The following CNTN5 variants were observed in gnomAD, a reference collection of about 807,000 sequenced individuals.
CNTN5 encodes the protein contactin 5.
A neutral mutation model predicts 129.1 loss-of-function variants in CNTN5; 77 were observed. The ratio of observed to expected loss-of-function variants is 0.60; its 90% confidence interval spans 0.50 to 0.72. CNTN5 has a LOEUF of 0.72. Among genes scored for constraint, CNTN5 ranks in the 30% least tolerant of loss-of-function variants. The probability of loss-of-function intolerance (pLI) is 0.00; values close to 1 mark genes in which losing one functional copy is unlikely to be tolerated. For synonymous variants in CNTN5, 509 were observed against 465.6 expected (o/e 1.09, Z -1.20); for missense variants, 1,478 against 1,328.8 (o/e 1.11, Z -1.75).
intron 6 of CNTN5, among the ~76,000 whole-genome samples, chr11:99,869,580 A>C (rs141735884): frequency 6.6e-6 from 1 of 152,114 alleles, no homozygotes; most frequent in Non-Finnish European, 1.5e-5. Context: ...AGTCACTTCT[A>C]CTTCCGCTGT....
At chr11:99,436,003 T>A (rs1470002140) in intron 2 of CNTN5, among the ~76,000 whole-genome samples, 1 of 152,162 alleles carries the variant, frequency 6.6e-6, no homozygotes, top group African/African-American at 2.4e-5. Flanking sequence ...TTTATCAAAT[T>A]TTCATAGACA....
intron 1 of CNTN5, among the ~76,000 whole-genome samples, chr11:99,300,179 C>A (rs531324240): frequency 6.6e-6 from 1 of 152,044 alleles, no homozygotes; most frequent in African/African-American, 2.4e-5. Flanking sequence ...GTGAAAATGG[C>A]GTCCTTGCCT....
At chr11:99,683,306 A>G (rs1018770934) in intron 3 of CNTN5, among the ~76,000 whole-genome samples, 4 of 151,796 alleles carry the variant, frequency 2.6e-5, no homozygotes, top group Non-Finnish European at 5.9e-5. Context: ...TCTCCACCTC[A>G]TATCATGTAT....
chr11:99,856,393 C>G (rs74510761), intron 6 of CNTN5, among the ~76,000 whole-genome samples: 5,815 of 152,250 alleles, frequency 0.038, 184 homozygotes, highest in East Asian at 0.15. Flanking sequence ...TCTTTCACAA[C>G]TTTCTTAGAA....
intron 7 of CNTN5, among the ~76,000 whole-genome samples, chr11:99,928,915 C>T (rs761090049): frequency 6.6e-6 from 1 of 152,168 alleles, no homozygotes; most frequent in East Asian, 1.9e-4. Flanking sequence ...AATGTAAGTT[C>T]CAACTCCAAA....
At chr11:100,345,595 T>C (rs1218693290) in intron 23 of CNTN5, among the ~76,000 whole-genome samples, 1 of 149,938 alleles carries the variant, frequency 6.7e-6, no homozygotes, top group Non-Finnish European at 1.5e-5. Flanking sequence ...AAAAAGAGGT[T>C]TCCCTATCAC....
At chr11:99,999,178 C>T (rs1277718512) in intron 8 of CNTN5, among the ~76,000 whole-genome samples, 1 of 152,010 alleles carries the variant, frequency 6.6e-6, no homozygotes, top group Non-Finnish European at 1.5e-5. Flanking sequence ...AACTAAAGAG[C>T]TTCTGCACAG....
intron 7 of CNTN5, among the ~76,000 whole-genome samples, chr11:99,945,521 G>A (rs140195044): frequency 0.02 from 2,256 of 112,894 alleles, 54 homozygotes; most frequent in African/African-American, 0.065. Context: ...TGTGTGTATA[G>A]GCTAGAATTT....
intron 2 of CNTN5, among the ~76,000 whole-genome samples, chr11:99,505,640 A>T (rs1038374090): frequency 6.6e-6 from 1 of 152,172 alleles, no homozygotes; most frequent in Admixed American, 6.5e-5. Context: ...GTTTCTTTAT[A>T]CACGTAAGGC....
intron 3 of CNTN5, among the ~76,000 whole-genome samples, chr11:99,663,881 T>C (rs1284677756): frequency 2.0e-5 from 3 of 152,172 alleles, no homozygotes; most frequent in Non-Finnish European, 4.4e-5. Flanking sequence ...GGGACAATGA[T>C]ACATTTAGGC....
At position 100,339,482 on chromosome 11, in the gene CNTN5, G is replaced by A. The variant is rs555757720; in HGVS notation, c.2731-981G>A. On this transcript the variant is annotated intron_variant, in intron 21 of 24. Transcript: ENST00000524871. ...AGTGGGATGTTTCTCTGCACAGGAC[G>A]GTGGGGGTGGGCCATAGGTAGTTTT... Among the ~76,000 whole-genome samples the A allele has an allele frequency of 4.6e-5, 7 of 152,204 alleles. No individual in the cohort carries two copies. The South Asian group carries it at 1.0e-3, about 23-fold the overall frequency.
chr11:100,162,776 T>C (rs1947498854), intron 13 of CNTN5, among the ~76,000 whole-genome samples: 1 of 151,866 alleles, frequency 6.6e-6, no homozygotes, highest in Admixed American at 6.6e-5. Context: ...CTCTTCATAT[T>C]AATAGTAATG....
chr11:99,923,800 T>TATCTATCTATCC (rs1565681960), intron 7 of CNTN5, among the ~76,000 whole-genome samples: 1 of 151,672 alleles, frequency 6.6e-6, no homozygotes, highest in African/African-American at 2.4e-5. Context: ...TCTATCTATC[T>TATCTATCTATCC]ATCTATCTGA....
At chr11:100,035,458 T>C (rs1941939429) in intron 9 of CNTN5, among the ~76,000 whole-genome samples, 1 of 146,970 alleles carries the variant, frequency 6.8e-6, no homozygotes, top group African/African-American at 2.6e-5. Flanking sequence ...TATAGCAGCA[T>C]GATTTATAGT....
intron 3 of CNTN5, among the ~76,000 whole-genome samples, chr11:99,581,964 C>T (rs573191516): frequency 1.8e-4 from 28 of 152,020 alleles, no homozygotes; most frequent in African/African-American, 5.3e-4. Context: ...TGGCTGGTAC[C>T]AGTTGTTCCT....
At chr11:100,318,681 C>T (rs986394086) in intron 21 of CNTN5, among the ~76,000 whole-genome samples, 1 of 152,142 alleles carries the variant, frequency 6.6e-6, no homozygotes, top group African/African-American at 2.4e-5. Context: ...CTCTTGAGGG[C>T]TGGGTTTATA....
chr11:100,098,218 A>T (rs991103580), intron 13 of CNTN5, among the ~76,000 whole-genome samples: 4 of 152,094 alleles, frequency 2.6e-5, no homozygotes, highest in Non-Finnish European at 5.9e-5. Context: ...AGCAAAAAAA[A>T]GTATTTGACT....
intron 6 of CNTN5, among the ~76,000 whole-genome samples, chr11:99,907,862 T>C (rs1335392781): frequency 6.6e-5 from 10 of 152,120 alleles, no homozygotes; most frequent in African/African-American, 2.4e-4. Context: ...GAGTATCAAA[T>C]CAATTATCAA....
At chr11:99,980,623 G>C (rs987253654) in intron 8 of CNTN5, among the ~76,000 whole-genome samples, 3 of 152,140 alleles carry the variant, frequency 2.0e-5, no homozygotes, top group Non-Finnish European at 4.4e-5. Flanking sequence ...GTATTTTGCA[G>C]TCCATTAAAT....
Sources: allele counts gnomAD v4.1 joint callset (sites outside exome capture counted in the v4.1 genomes callset), GRCh38; gene constraint gnomAD v4.1.1; transcripts MANE v1.5; gene names NCBI Gene and HGNC (gene_info 2026-07-23, HGNC 2026-07-21).